FAT1: variants seen among roughly 807,000 people sequenced by gnomAD.
The protein encoded by FAT1 is protocadherin Fat 1.
A neutral mutation model predicts 329.8 loss-of-function variants in FAT1; 171 were observed. The observed-to-expected ratio is 0.52, with a 90% CI of 0.46 to 0.59. FAT1 has a LOEUF of 0.59. FAT1 is among the 20% of genes least tolerant of loss of function. The pLI, the probability that FAT1 is intolerant of heterozygous loss-of-function variation, is 0.00. For missense variants in FAT1, 5,672 were observed against 5,774.4 expected (o/e 0.98, Z 0.57); for synonymous variants, 2,233 against 2,228.6 (o/e 1.00, Z -0.06).
At chr4:186,694,967 A>AAAAAC (rs1204694375) in intron 2 of FAT1, among the ~76,000 whole-genome samples, 2 of 152,316 alleles carry the variant, frequency 1.3e-5, no homozygotes, top group Non-Finnish European at 2.9e-5. Context: ...ATCTCAAAAC[A>AAAAAC]AAAACAAAAC....
chr4:186,647,634 T>TCA lies in FAT1; in HGVS notation c.3581-7853_3581-7852dup, dbSNP rs1741441217. ...TCCCTTTCTCACGATGTTGTATTAATCATAGCATTATTCTGACAAACCCTT... is the reference window on the plus strand; with the variant it reads ...TCCCTTTCTCACGATGTTGTATTAATCACATAGCATTATTCTGACAAACCCTT... On this transcript the variant is annotated intron_variant, in intron 3 of 26. Transcript: ENST00000441802. Among the ~76,000 whole-genome samples, 7 of 152,324 alleles carry TCA rather than the reference T, an allele frequency of 4.6e-5. No homozygotes were observed. The South Asian group carries it at 1.5e-3, about 32-fold the overall frequency.
chr4:186,611,354 A>G, intron 14 of FAT1, 32 bp downstream of exon 14: 1 of 1,558,170 alleles, frequency 6.4e-7, no homozygotes, highest in East Asian at 2.3e-5. Flanking sequence ...TGGTGGAATG[A>G]AGGGTTTCCT....
chr4:186,641,252 C>T (rs1347831769), intron 3 of FAT1, among the ~76,000 whole-genome samples: 1 of 152,198 alleles, frequency 6.6e-6, no homozygotes, highest in African/African-American at 2.4e-5. Context: ...ATCATACCTC[C>T]ACACTGGGGT....
At chr4:186,639,895 A>C in intron 3 of FAT1, 112 bp from the exon 4 acceptor site, 1 of 856,988 alleles carries the variant, frequency 1.2e-6, no homozygotes, top group Non-Finnish European at 1.9e-6. Context: ...TAATCCCAGC[A>C]CTTTGGGAGG....
chr4:186,661,627 CT>C (rs1742176920), intron 3 of FAT1, among the ~76,000 whole-genome samples: 1 of 152,202 alleles, frequency 6.6e-6, no homozygotes, highest in Non-Finnish European at 1.5e-5. Flanking sequence ...CCCTGTGTAT[CT>C]CTTCATCTGG....
chr4:186,609,917 C>T lies in FAT1; in HGVS notation c.9952G>A (p.Val3318Ile), dbSNP rs377184173. The T allele has an allele frequency of 8.7e-6, 14 of 1,612,882 alleles. No homozygotes were observed. Among genetic ancestry groups the T allele is most frequent in the African/African-American group, 6.7e-5 (5 of 74,980 alleles). Residue 3318 changes from valine to isoleucine, a missense_variant, in exon 15 of 27, where the codon GTT (valine) becomes ATT (isoleucine). Val to Ile is a conservative substitution (Grantham distance 29). Coordinates refer to ENST00000441802, the MANE Select transcript of FAT1 (RefSeq NM_005245.4). Reference sequence around the variant, plus strand: ...GTTACATTAACGTTCACAGTGGCAACGTCGCTCAGTGAAGGCGTGCCTCCA... The same window carrying T: ...GTTACATTAACGTTCACAGTGGCAATGTCGCTCAGTGAAGGCGTGCCTCCA... ...TDGGTPSLSD[V>I]ATVNVNVTDI...
chr4:186,661,245 G>A (rs531792232), intron 3 of FAT1, among the ~76,000 whole-genome samples: 9 of 152,162 alleles, frequency 5.9e-5, no homozygotes, highest in South Asian at 4.2e-4. Flanking sequence ...ATCTCTCTCC[G>A]GGCCACCTGC....
chr4:186,591,372 T>TG (rs1254029502), intron 26 of FAT1, among the ~76,000 whole-genome samples: 1 of 152,242 alleles, frequency 6.6e-6, no homozygotes, highest in Non-Finnish European at 1.5e-5. Context: ...TTTAAAAGAC[T>TG]GTGGTGTCTC....
intron 1 of FAT1, among the ~76,000 whole-genome samples, chr4:186,713,798 T>C (rs1376508423): frequency 1.3e-5 from 2 of 152,078 alleles, no homozygotes; most frequent in African/African-American, 2.4e-5. Flanking sequence ...GGTGCGTCTG[T>C]AGATTTAGAC....
intron 2 of FAT1, among the ~76,000 whole-genome samples, chr4:186,688,660 C>T (rs1299146283): frequency 7.6e-6 from 1 of 131,006 alleles, no homozygotes; most frequent in African/African-American, 2.9e-5. Context: ...CCCGCCCCCC[C>T]CCAAAAAAAC....
chr4:186,658,990 T>C (rs779801083), intron 3 of FAT1, among the ~76,000 whole-genome samples: 1 of 152,256 alleles, frequency 6.6e-6, no homozygotes, highest in East Asian at 1.9e-4. Context: ...ACGCACTGCA[T>C]AACGACGTGT....
At chr4:186,633,904 G>A (rs1740706403) in intron 6 of FAT1, 81 bp from the exon 7 acceptor site, 1 of 1,498,152 alleles carries the variant, frequency 6.7e-7, no homozygotes. Flanking sequence ...ATACTTAATG[G>A]CACTGAAAAA....
rs753588981 is a variant in FAT1 at position 186,636,671 on chromosome 4, C to T, written c.3886G>A (p.Glu1296Lys). The change falls in exon 5 of 27, where the codon GAG becomes AAG. Residue 1296 changes from glutamate to lysine, a missense_variant. Around this residue, in one of 2 missense-constraint regions of FAT1, gnomAD observed 3,966 missense variants for 3,915.2 expected, o/e 1.01. Transcript: ENST00000441802. ...GGTTCGATGAAAAATTTGCCATGCT[C>T]ATTCCCGTCTTCGATGCTGTAGGAG... ...EISYSIEDGN[E>K]HGKFFIEPKT... The T allele has an allele frequency of 6.2e-7, 1 of 1,613,844 alleles. No individual in the cohort carries two copies. Among genetic ancestry groups the T allele is most frequent in the African/African-American group, 1.3e-5 (1 of 74,920 alleles).
chr4:186,700,946 A>G (rs1744277866), intron 2 of FAT1, among the ~76,000 whole-genome samples: 1 of 151,978 alleles, frequency 6.6e-6, no homozygotes, highest in East Asian at 1.9e-4. Flanking sequence ...TTTCCACCCC[A>G]CACCTCCAGG....
intron 3 of FAT1, 116 bp from the exon 4 acceptor site, chr4:186,639,899 TG>T: frequency 1.2e-6 from 1 of 830,074 alleles, no homozygotes; most frequent in Non-Finnish European, 2.0e-6. Context: ...CCCAGCACTT[TG>T]GGAGGCCCAG....
intron 3 of FAT1, among the ~76,000 whole-genome samples, chr4:186,652,785 A>G (rs1241220089): frequency 6.6e-6 from 1 of 152,182 alleles, no homozygotes. Context: ...TTCCAGCCAC[A>G]ATAAAATGCC....
In FAT1 at chr4:186,603,099, A is replaced by T. The variant is rs899143932; in HGVS notation, c.11351-65T>A. The T allele has an allele frequency of 6.2e-6, 10 of 1,610,460 alleles. No homozygotes were observed. The African/African-American group carries it at 1.3e-4, about 22-fold the overall frequency. The stretch of plus-strand genomic sequence containing the variant: ...AGACATTTCAAGAACATCACCTTTC[A>T]TGTATAGCCATCAAAGGCTTCAAAG... On this transcript the variant is annotated intron_variant, in intron 19 of 26. Transcript: ENST00000441802.
intron 3 of FAT1, among the ~76,000 whole-genome samples, chr4:186,640,892 G>C (rs6820953): frequency 6.6e-6 from 1 of 152,188 alleles, no homozygotes; most frequent in African/African-American, 2.4e-5. Context: ...CTGCACCTCC[G>C]ACCTTAAAAC....
intron 3 of FAT1, among the ~76,000 whole-genome samples, chr4:186,652,811 G>C (rs1741728043): frequency 1.3e-5 from 2 of 152,032 alleles, no homozygotes; most frequent in Admixed American, 6.5e-5. Flanking sequence ...CTCTGGTTCA[G>C]AAAAAAATAG....
Sources: allele counts gnomAD v4.1 joint callset (sites outside exome capture counted in the v4.1 genomes callset), GRCh38; gene constraint gnomAD v4.1.1; regional missense constraint gnomAD v4.1.1; transcripts MANE v1.5; gene names NCBI Gene and HGNC (gene_info 2026-07-23, HGNC 2026-07-21).